GUCY2C: variants seen among roughly 807,000 people sequenced by gnomAD.
GUCY2C encodes guanylate cyclase 2C.
GUCY2C carries 118 observed loss-of-function variants against 131.1 expected under a neutral mutation model. That is an observed-to-expected ratio of 0.90 (90% CI 0.78 to 1.05). GUCY2C has a LOEUF of 1.05. Ranked by LOEUF, GUCY2C falls within the 50% of genes least tolerant of loss-of-function variation. GUCY2C has a pLI of 0.00. For synonymous variants in GUCY2C, 452 were observed against 457.8 expected, an observed-to-expected ratio of 0.99 and a Z score of 0.16; for missense variants, 1,161 against 1,304.4, an observed-to-expected ratio of 0.89 and a Z score of 1.69.
intron 15 of GUCY2C, among the ~76,000 whole-genome samples, chr12:14,649,607 A>T (rs1279044278): frequency 6.6e-6 from 1 of 152,208 alleles, no homozygotes; most frequent in Admixed American, 6.5e-5. Context: ...TGAATGGAAC[A>T]ATATTATTAT....
intron 15 of GUCY2C, among the ~76,000 whole-genome samples, 171 bp from the exon 16 acceptor site, chr12:14,645,486 A>G (rs1266905915): frequency 6.6e-6 from 1 of 152,234 alleles, no homozygotes; most frequent in Non-Finnish European, 1.5e-5. Flanking sequence ...TTTCTGCATA[A>G]GAAGCATTGG....
At chr12:14,647,500 G>A (rs1370300538) in intron 15 of GUCY2C, among the ~76,000 whole-genome samples, 1 of 152,106 alleles carries the variant, frequency 6.6e-6, no homozygotes, top group Non-Finnish European at 1.5e-5. Context: ...TAATATGCTT[G>A]CTGAGTACGA....
intron 3 of GUCY2C, among the ~76,000 whole-genome samples, chr12:14,685,374 A>G (rs1948448596): frequency 6.6e-6 from 1 of 152,194 alleles, no homozygotes; most frequent in South Asian, 2.1e-4. Flanking sequence ...AAACTTTGCA[A>G]CAGAATTTTC....
rs1948015140 is a variant in GUCY2C at position 14,667,971 on chromosome 12, G to A, written c.1282+1751C>T. The stretch of plus-strand genomic sequence containing the variant: ...AATTATTTTTAATTGGTTGCCTGAT[G>A]CTCCATTTGTGAATATATAATAATT... On this transcript the variant is annotated intron_variant, in intron 10 of 26. Coordinates refer to ENST00000261170, the MANE Select transcript of GUCY2C (RefSeq NM_004963.4). Among the ~76,000 whole-genome samples the A allele has an allele frequency of 2.7e-5, 4 of 147,208 alleles. No individual in the cohort carries two copies. The South Asian group carries it at 8.7e-4, about 32-fold the overall frequency.
Position 14,641,936 on chromosome 12 carries a change from C to CAA in GUCY2C, c.1931-719_1931-718dup, listed in dbSNP as rs147602523. Reference sequence around the variant, plus strand: ...TGGGTGACAGAGCGAGACTCCATCTCAAAAAAAAAAATACAAATTTTATGT... The same window carrying CAA: ...TGGGTGACAGAGCGAGACTCCATCTCAAAAAAAAAAAAATACAAATTTTATGT... On this transcript the variant is annotated intron_variant, in intron 17 of 26. Coordinates refer to ENST00000261170, the MANE Select transcript of GUCY2C (RefSeq NM_004963.4). Among the ~76,000 whole-genome samples, 805 of 139,192 alleles carry CAA rather than the reference C, an allele frequency of 5.8e-3. 10 individuals carry two copies. Among genetic ancestry groups the CAA allele is most frequent in the African/African-American group, 0.02 (784 of 38,984 alleles). The allele number at this position is 139,192 out of a possible 152,430, so 91.3% of individuals were successfully genotyped here. A position where few individuals can be genotyped will look rare whatever the true frequency, so the allele number is the denominator to read the frequency against.
intron 10 of GUCY2C, among the ~76,000 whole-genome samples, chr12:14,668,030 G>A (rs1224301228): frequency 2.5e-5 from 3 of 119,994 alleles, no homozygotes; most frequent in East Asian, 2.3e-4. Flanking sequence ...TTGAGGCAGG[G>A]TCTTGCTCTG....
At chr12:14,674,048 T>G (rs1948172694) in intron 8 of GUCY2C, among the ~76,000 whole-genome samples, 1 of 152,218 alleles carries the variant, frequency 6.6e-6, no homozygotes, top group African/African-American at 2.4e-5. Context: ...TCATTTATCT[T>G]TGACTTAGTA....
At chr12:14,694,566 C>A (rs1278747329) in intron 1 of GUCY2C, among the ~76,000 whole-genome samples, 2 of 152,190 alleles carry the variant, frequency 1.3e-5, no homozygotes, top group Non-Finnish European at 1.5e-5. Flanking sequence ...CCTCAAAGGA[C>A]AAATCAAGTG....
At chr12:14,623,037 C>A (rs1050430568) in intron 21 of GUCY2C, among the ~76,000 whole-genome samples, 1 of 152,130 alleles carries the variant, frequency 6.6e-6, no homozygotes, top group African/African-American at 2.4e-5. Flanking sequence ...TATGGAACCA[C>A]TAGAATCAGA....
At chr12:14,650,316 C>T (rs1446901676) in intron 15 of GUCY2C, among the ~76,000 whole-genome samples, 3 of 152,074 alleles carry the variant, frequency 2.0e-5, no homozygotes, top group East Asian at 3.9e-4. Flanking sequence ...GGCGTGATCT[C>T]GGCTCACTGC....
chr12:14,674,193 G>A (rs1373148481), intron 8 of GUCY2C: 6 of 222,128 alleles, frequency 2.7e-5, no homozygotes, highest in Non-Finnish European at 4.5e-5. Context: ...TGTTGTTTTG[G>A]AGGGTATTAT....
At chr12:14,656,645 G>T in intron 11 of GUCY2C, 28 bp from the exon 12 acceptor site, 2 of 1,092,686 alleles carry the variant, frequency 1.8e-6, no homozygotes, top group Non-Finnish European at 2.8e-6. Flanking sequence ...CTGGTCAATA[G>T]GTTTTTATTA....
In GUCY2C at chr12:14,661,022, T is replaced by C. The variant is rs747864935; in HGVS notation, c.1323A>G (p.Gly441=). Residue 441 remains glycine (G), a synonymous_variant, in exon 11 of 27, where the codon GGA becomes GGG. Transcript: ENST00000261170. ...ILMIAVFTLT[G]AVVLLLLVAL... ...CGACGAGCAGGAGCAGCACCACAGC[T>C]CCAGTGAGGGTGAAGACTGCAATCA... 6.2e-6 allele frequency: 10 copies of C among 1,613,356 alleles called. No homozygotes were observed. Among genetic ancestry groups the C allele is most frequent in the Non-Finnish European group, 1.7e-6 (2 of 1,179,472 alleles).
At position 14,696,305 on chromosome 12, in the gene GUCY2C, T is replaced by G. The variant is rs1360790027; in HGVS notation, c.144A>C (p.Ala48=). The part of the protein sequence containing the change: ...SVLMMGNSAF[A]EPLKNLEDAV... ...CATCTTCCAAGTTTTTCAGGGGCTC[T>G]GCAAAGGCTGAGTTGCCCATCATCA... The change falls in exon 1 of 27, where the codon GCA becomes GCC. Residue 48 remains alanine (A), a synonymous_variant. Coordinates refer to ENST00000261170, the MANE Select transcript of GUCY2C (RefSeq NM_004963.4). 6.2e-7 allele frequency: 1 copy of G among 1,614,158 alleles called. No individual in the cohort carries two copies. Among genetic ancestry groups the G allele is most frequent in the South Asian group, 1.1e-5 (1 of 91,086 alleles).
chr12:14,666,689 T>G (rs1947987726), intron 10 of GUCY2C, among the ~76,000 whole-genome samples: 1 of 149,870 alleles, frequency 6.7e-6, no homozygotes, highest in South Asian at 2.1e-4. Flanking sequence ...GAGCCAAGAT[T>G]GCACCACTGT....
rs1188897668 is a variant in GUCY2C, at chr12:14,689,809, T to A, written c.218-1746A>T. Reference sequence around the variant, plus strand: ...AATGAATCTTGCTGTATTACAATTTTTAGACCCTGTCTCTCCTGGAGCATT... The same window carrying A: ...AATGAATCTTGCTGTATTACAATTTATAGACCCTGTCTCTCCTGGAGCATT... On this transcript the variant is annotated intron_variant, in intron 1 of 26. Transcript: ENST00000261170. 2.0e-5 allele frequency among the ~76,000 whole-genome samples: 3 copies of A among 152,356 alleles called. No individual in the cohort carries two copies. In the East Asian group the frequency reaches 5.8e-4, roughly 29 times the overall value.
intron 1 of GUCY2C, among the ~76,000 whole-genome samples, chr12:14,694,236 T>C (rs1224338949): frequency 6.6e-6 from 1 of 152,242 alleles, no homozygotes; most frequent in African/African-American, 2.4e-5. Context: ...TATCTGCTTC[T>C]AACCATAATG....
rs1355178417 is a variant in GUCY2C at position 14,618,285 on chromosome 12, G to A, written c.2875+926C>T. 2.0e-5 allele frequency among the ~76,000 whole-genome samples: 3 copies of A among 152,316 alleles called. No homozygotes were observed. In the East Asian group the frequency reaches 5.8e-4, roughly 29 times the overall value. ...TTTGGGGCTTTGGGGGACCAAGGCA[G>A]GAGACTTGCTTGAGCCCAGGAATCT... On this transcript the variant is annotated intron_variant, in intron 24 of 26. Coordinates refer to ENST00000261170, the MANE Select transcript of GUCY2C (RefSeq NM_004963.4).
intron 25 of GUCY2C, among the ~76,000 whole-genome samples, chr12:14,615,760 A>T: frequency 6.6e-6 from 1 of 151,944 alleles, no homozygotes; most frequent in Non-Finnish European, 1.5e-5. Context: ...CTTTGTAAAA[A>T]ATGTACTTAT....
Sources: gnomAD v4.1 joint callset for allele counts (sites outside exome capture counted in the v4.1 genomes callset) on GRCh38, gnomAD v4.1.1 for gene constraint, MANE v1.5 for transcripts, NCBI Gene and HGNC (gene_info 2026-07-23, HGNC 2026-07-21) for gene names.